The following GUCY1A2 variants were observed in gnomAD, a reference collection of about 807,000 sequenced individuals.
GUCY1A2 encodes guanylate cyclase soluble subunit alpha-2.
A neutral mutation model predicts 63.5 loss-of-function variants in GUCY1A2; 27 were observed. The ratio of observed to expected loss-of-function variants is 0.43; its 90% CI spans 0.31 to 0.59. GUCY1A2 has a LOEUF of 0.59. Ranked by LOEUF, GUCY1A2 falls within the 20% of genes least tolerant of loss-of-function variation. The pLI is 0.11. For synonymous variants in GUCY1A2, 364 were observed against 343.5 expected, an observed-to-expected ratio of 1.06 and a Z score of -0.66; for missense variants, 768 against 913.3, an observed-to-expected ratio of 0.84 and a Z score of 2.05.
chr11:106,994,801 T>C (rs556764731), intron 1 of GUCY1A2, among the ~76,000 whole-genome samples: 1 of 152,244 alleles, frequency 6.6e-6, no homozygotes, highest in East Asian at 1.9e-4. Context: ...ACTTACCATG[T>C]ATCTAACTGA....
intron 6 of GUCY1A2, among the ~76,000 whole-genome samples, chr11:106,735,858 G>T (rs934773428): frequency 2.6e-5 from 4 of 151,998 alleles, no homozygotes; most frequent in Admixed American, 1.3e-4. Context: ...TGGTAGTTTT[G>T]TTTTGCATTT....
In GUCY1A2 at chr11:106,993,605, G is replaced by A. The variant is rs1253136280; in HGVS notation, c.304-7474C>T. Among the ~76,000 whole-genome samples the A allele has an allele frequency of 2.0e-5, 3 of 152,000 alleles. No individual in the cohort carries two copies. In the South Asian group the frequency reaches 6.2e-4, roughly 32 times the overall value. Reference sequence around the variant, plus strand: ...ACCTCTATATTACAAATCCAGCTGTGCTACTGACCTTTTTTTAAAAAAAAT... The same window carrying A: ...ACCTCTATATTACAAATCCAGCTGTACTACTGACCTTTTTTTAAAAAAAAT... On this transcript the variant is annotated intron_variant, in intron 1 of 7. Coordinates refer to ENST00000526355, the MANE Select transcript of GUCY1A2 (RefSeq NM_000855.3).
At chr11:106,751,599 C>T (rs1476409218) in intron 6 of GUCY1A2, among the ~76,000 whole-genome samples, 1 of 152,020 alleles carries the variant, frequency 6.6e-6, no homozygotes, top group Non-Finnish European at 1.5e-5. Context: ...CGTGCAAAAA[C>T]ATTTGCCAGT....
At chr11:106,957,732 C>G (rs1861006092) in intron 3 of GUCY1A2, among the ~76,000 whole-genome samples, 1 of 151,896 alleles carries the variant, frequency 6.6e-6, no homozygotes, top group African/African-American at 2.4e-5. Context: ...GCCATCTTGG[C>G]CCCGCCTCCA....
At chr11:106,794,388 G>C (rs1267738790) in intron 5 of GUCY1A2, among the ~76,000 whole-genome samples, 6 of 152,028 alleles carry the variant, frequency 3.9e-5, no homozygotes, top group Non-Finnish European at 1.5e-5. Flanking sequence ...GAAATTTTCA[G>C]TTATAAAGAC....
intron 4 of GUCY1A2, among the ~76,000 whole-genome samples, chr11:106,874,594 T>C (rs1859724436): frequency 1.3e-5 from 2 of 152,218 alleles, no homozygotes; most frequent in South Asian, 4.1e-4. Flanking sequence ...CACTTATACG[T>C]AGAATTTAGA....
intron 6 of GUCY1A2, among the ~76,000 whole-genome samples, chr11:106,718,209 AAAT>A (rs553625576): frequency 1.5e-4 from 23 of 152,338 alleles, no homozygotes; most frequent in African/African-American, 5.5e-4. Flanking sequence ...GTATTTGACC[AAAT>A]AATTATTCTC....
At chr11:106,773,907 C>T (rs979039424) in intron 6 of GUCY1A2, among the ~76,000 whole-genome samples, 7 of 152,008 alleles carry the variant, frequency 4.6e-5, no homozygotes, top group Non-Finnish European at 7.4e-5. Flanking sequence ...AAATTTTTGA[C>T]CTGATAAGTT....
chr11:106,759,997 G>A (rs948355630), intron 6 of GUCY1A2, among the ~76,000 whole-genome samples: 10 of 152,108 alleles, frequency 6.6e-5, no homozygotes, highest in Admixed American at 2.6e-4. Context: ...AGAATGCCAT[G>A]TAAAGATTGG....
chr11:106,746,912 G>T (rs1484291740), intron 6 of GUCY1A2, among the ~76,000 whole-genome samples: 1 of 152,170 alleles, frequency 6.6e-6, no homozygotes, highest in Non-Finnish European at 1.5e-5. Flanking sequence ...AAAATGGCAC[G>T]CTGGGCAAAA....
In GUCY1A2 at chr11:106,900,996, T is replaced by A. The variant is rs149974135; in HGVS notation, c.1206+38464A>T. Among the ~76,000 whole-genome samples the A allele has an allele frequency of 5.3e-5, 8 of 152,286 alleles. No homozygotes were observed. In the East Asian group the frequency reaches 1.5e-3, roughly 29 times the overall value. Reference sequence around the variant, plus strand: ...AAACAATAAAGTTTGCCATATTGATTGACCCTTACTTTATGAAAGATTTCT... The same window carrying A: ...AAACAATAAAGTTTGCCATATTGATAGACCCTTACTTTATGAAAGATTTCT... On this transcript the variant is annotated intron_variant, in intron 4 of 7. Coordinates refer to ENST00000526355, the MANE Select transcript of GUCY1A2 (RefSeq NM_000855.3).
intron 4 of GUCY1A2, among the ~76,000 whole-genome samples, chr11:106,924,446 A>G (rs1273300096): frequency 6.6e-6 from 1 of 152,224 alleles, no homozygotes; most frequent in Non-Finnish European, 1.5e-5. Context: ...ATATTCTTTC[A>G]GAAGAATACA....
At chr11:106,910,676 C>G (rs1860281387) in intron 4 of GUCY1A2, among the ~76,000 whole-genome samples, 1 of 152,020 alleles carries the variant, frequency 6.6e-6, no homozygotes, top group Non-Finnish European at 1.5e-5. Flanking sequence ...GTTCTCAGGT[C>G]TCCACTCTTT....
At chr11:106,848,037 A>G (rs1392543446) in intron 4 of GUCY1A2, among the ~76,000 whole-genome samples, 2 of 151,588 alleles carry the variant, frequency 1.3e-5, no homozygotes, top group Non-Finnish European at 3.0e-5. Context: ...AACTTAATGG[A>G]TTCAGATCTG....
chr11:106,772,290 T>A (rs1039016539), intron 6 of GUCY1A2, among the ~76,000 whole-genome samples: 1 of 152,178 alleles, frequency 6.6e-6, no homozygotes, highest in Non-Finnish European at 1.5e-5. Flanking sequence ...ATTGCTATTA[T>A]AATAACTTGT....
At chr11:106,793,984 T>C (rs1186864334) in intron 5 of GUCY1A2, among the ~76,000 whole-genome samples, 1 of 152,090 alleles carries the variant, frequency 6.6e-6, no homozygotes, top group Non-Finnish European at 1.5e-5. Flanking sequence ...TTTCAGCAAC[T>C]CCACTTCTGG....
chr11:106,719,444 AT>A (rs1346254343), intron 6 of GUCY1A2, among the ~76,000 whole-genome samples: 1 of 152,132 alleles, frequency 6.6e-6, no homozygotes, highest in Non-Finnish European at 1.5e-5. Context: ...TCAGTTATTA[AT>A]TCATTCATCT....
At chr11:106,945,375 T>TG (rs781284106) in intron 3 of GUCY1A2, among the ~76,000 whole-genome samples, 7 of 127,570 alleles carry the variant, frequency 5.5e-5, no homozygotes, top group Admixed American at 8.6e-5. Context: ...CCTTAGAAAA[T>TG]GAAAAAAAAC....
chr11:106,872,470 TTGAA>T (rs1859692769), intron 4 of GUCY1A2, among the ~76,000 whole-genome samples: 1 of 152,134 alleles, frequency 6.6e-6, no homozygotes, highest in Non-Finnish European at 1.5e-5. Context: ...GATAAATAGT[TTGAA>T]TGACTGGAAC....
Sources: gnomAD v4.1 joint callset for allele counts (sites outside exome capture counted in the v4.1 genomes callset) on GRCh38, gnomAD v4.1.1 for gene constraint, MANE v1.5 for transcripts, NCBI Gene and HGNC (gene_info 2026-07-23, HGNC 2026-07-21) for gene names.